The following ASTN2 variants were observed in gnomAD, a reference collection of about 807,000 sequenced individuals.
The protein encoded by ASTN2 is astrotactin 2.
ASTN2 carries 54 observed loss-of-function variants against 139.8 expected under a neutral mutation model. The ratio of observed to expected loss-of-function variants is 0.39; its 90% CI spans 0.31 to 0.48. The LOEUF (loss-of-function observed/expected upper bound fraction) is 0.48, where lower values mean the gene tolerates loss of function less well. ASTN2 is among the 20% of genes least tolerant of loss of function. ASTN2 has a pLI of 0.95. For synonymous variants in ASTN2, 756 were observed against 719.5 expected (o/e 1.05, Z -0.81); for missense variants, 1,565 against 1,725.1 (o/e 0.91, Z 1.64).
At chr9:116,633,326 AGAG>A (rs890134345) in intron 17 of ASTN2, among the ~76,000 whole-genome samples, 37 of 152,324 alleles carry the variant, frequency 2.4e-4, no homozygotes, top group African/African-American at 7.7e-4. Flanking sequence ...TAAGTTCTTC[AGAG>A]GATGGTTCCC....
intron 7 of ASTN2, among the ~76,000 whole-genome samples, chr9:117,003,792 C>A (rs1344792285): frequency 6.6e-6 from 1 of 151,552 alleles, no homozygotes; most frequent in Admixed American, 6.6e-5. Context: ...AAGGGGACCC[C>A]TTCTGTTCCT....
chr9:116,810,809 A>G (rs187863741), intron 12 of ASTN2, among the ~76,000 whole-genome samples: 4 of 152,300 alleles, frequency 2.6e-5, no homozygotes, highest in Non-Finnish European at 1.5e-5. Flanking sequence ...CTTGCCTATA[A>G]AATCCCCTGG....
chr9:117,289,258 T>A (rs1834526662), intron 2 of ASTN2, among the ~76,000 whole-genome samples: 1 of 152,000 alleles, frequency 6.6e-6, no homozygotes, highest in East Asian at 1.9e-4. Context: ...TAGCCTTGGG[T>A]CACTTTGGCT....
At chr9:116,751,831 C>T (rs1284106199) in intron 13 of ASTN2, among the ~76,000 whole-genome samples, 1 of 152,022 alleles carries the variant, frequency 6.6e-6, no homozygotes, top group Non-Finnish European at 1.5e-5. Context: ...ATAAGGAAGA[C>T]TACAAAACTC....
chr9:117,290,004 G>A (rs867789433), intron 2 of ASTN2, among the ~76,000 whole-genome samples: 1 of 152,162 alleles, frequency 6.6e-6, no homozygotes, highest in African/African-American at 2.4e-5. Context: ...GAAGAGAAAC[G>A]AGAAAGAGAC....
intron 1 of ASTN2, among the ~76,000 whole-genome samples, chr9:117,412,674 G>A (rs141336735): frequency 2.6e-4 from 39 of 152,304 alleles, no homozygotes; most frequent in African/African-American, 9.4e-4. Flanking sequence ...TTGAATGGCC[G>A]TTTGGGGGGC....
At chr9:117,007,860 A>G (rs1019813477) in intron 7 of ASTN2, among the ~76,000 whole-genome samples, 1 of 151,810 alleles carries the variant, frequency 6.6e-6, no homozygotes, top group African/African-American at 2.4e-5. Flanking sequence ...GAGCTAGGCC[A>G]GATGTTCTCT....
intron 5 of ASTN2, among the ~76,000 whole-genome samples, chr9:117,087,510 G>C (rs1238526726): frequency 6.6e-6 from 1 of 152,170 alleles, no homozygotes; most frequent in Non-Finnish European, 1.5e-5. Flanking sequence ...TTACAGGAGT[G>C]AGCCACTGCG....
At chr9:116,614,841 AG>A (rs1855755056) in intron 19 of ASTN2, among the ~76,000 whole-genome samples, 2 of 152,246 alleles carry the variant, frequency 1.3e-5, no homozygotes, top group Admixed American at 1.3e-4. Context: ...AAGCACCAAA[AG>A]CAATGGCAAC....
intron 5 of ASTN2, among the ~76,000 whole-genome samples, chr9:117,040,184 C>G (rs1456880786): frequency 6.6e-6 from 1 of 152,158 alleles, no homozygotes; most frequent in Non-Finnish European, 1.5e-5. Context: ...TCTTATGATT[C>G]CTTTGGGTAA....
At chr9:116,532,019 C>T (rs1851374949) in intron 19 of ASTN2, among the ~76,000 whole-genome samples, 1 of 152,200 alleles carries the variant, frequency 6.6e-6, no homozygotes, top group Non-Finnish European at 1.5e-5. Flanking sequence ...ACATCCTCTC[C>T]AGCACCTGTT....
At chr9:116,968,664 C>T (rs937666770) in intron 10 of ASTN2, among the ~76,000 whole-genome samples, 1 of 151,966 alleles carries the variant, frequency 6.6e-6, no homozygotes, top group Non-Finnish European at 1.5e-5. Flanking sequence ...TTTGGAAGGC[C>T]GAGGTGGGCA....
Position 117,149,405 on chromosome 9 carries a change from TTGTGTGTGTTTGTGTGTG to T in ASTN2, c.1016-7945_1016-7928del, listed in dbSNP as rs766083290. Reference sequence around the variant, plus strand: ...GAGAATACATATAACTAATAGGGTGTTGTGTGTGTTTGTGTGTGTGTGTGTGTTTGTGTGTGTGTGTGT... The same window carrying T: ...GAGAATACATATAACTAATAGGGTGTTGTGTGTGTTTGTGTGTGTGTGTGT... On this transcript the variant is annotated intron_variant, in intron 3 of 22. Coordinates refer to ENST00000313400, the MANE Select transcript of ASTN2 (RefSeq NM_001365068.1). Among the ~76,000 whole-genome samples the T allele has an allele frequency of 1.5e-4, 23 of 151,946 alleles. 1 individual carries two copies. The highest frequency in any genetic ancestry group is 4.2e-4 in the South Asian group (2 of 4,802).
At position 116,948,785 on chromosome 9, in the gene ASTN2, G is replaced by GTTTTTTTTTTTTGTTTTTTTTTTT. The variant is rs1835471789; in HGVS notation, c.1889+26422_1889+26423insAAAAAAAAAAACAAAAAAAAAAAA. On this transcript the variant is annotated intron_variant, in intron 10 of 22. Transcript: ENST00000313400. The stretch of plus-strand genomic sequence containing the variant: ...AGAGAGAGGAGAGAAATAATTTGGT[G>GTTTTTTTTTTTTGTTTTTTTTTTT]TTTTTTTTTTTTTTTTTTTTTTTTT... 4.2e-4 allele frequency among the ~76,000 whole-genome samples: 21 copies of GTTTTTTTTTTTTGTTTTTTTTTTT among 49,474 alleles called. 2 individuals are homozygous for GTTTTTTTTTTTTGTTTTTTTTTTT. Among genetic ancestry groups the GTTTTTTTTTTTTGTTTTTTTTTTT allele is most frequent in the Middle Eastern group, 0.029 (1 of 34 alleles). The allele number at this position is 49,474 out of a possible 152,430, so 32.5% of individuals were successfully genotyped here.
At chr9:116,970,534 T>C (rs183078117) in intron 10 of ASTN2, among the ~76,000 whole-genome samples, 1 of 152,332 alleles carries the variant, frequency 6.6e-6, no homozygotes, top group Admixed American at 6.5e-5. Flanking sequence ...AAGTATGACA[T>C]TTTTTGTTTG....
chr9:117,401,085 A>T (rs1318813124), intron 1 of ASTN2, among the ~76,000 whole-genome samples: 2 of 152,178 alleles, frequency 1.3e-5, no homozygotes, highest in East Asian at 3.9e-4. Flanking sequence ...ACTGCTGAAC[A>T]TACTTTATAA....
chr9:116,678,245 T>G (rs996209498), intron 16 of ASTN2, among the ~76,000 whole-genome samples: 21 of 152,180 alleles, frequency 1.4e-4, no homozygotes, highest in African/African-American at 5.1e-4. Flanking sequence ...GGCATTAGAT[T>G]ATAGATAAGG....
chr9:116,517,074 T>A (rs1035013533), intron 19 of ASTN2, among the ~76,000 whole-genome samples: 1 of 152,164 alleles, frequency 6.6e-6, no homozygotes, highest in Non-Finnish European at 1.5e-5. Context: ...TCTTAGGAGC[T>A]CTATGGCCCT....
At chr9:117,021,870 G>A (rs1334093) in intron 6 of ASTN2, among the ~76,000 whole-genome samples, 31,189 of 152,076 alleles carry the variant, frequency 0.21, 3,399 homozygotes, top group South Asian at 0.35. Context: ...ATAAATGCTG[G>A]ATAAATATTA....
Sources: allele counts gnomAD v4.1 joint callset (sites outside exome capture counted in the v4.1 genomes callset), GRCh38; gene constraint gnomAD v4.1.1; transcripts MANE v1.5; gene names NCBI Gene and HGNC (gene_info 2026-07-23, HGNC 2026-07-21).